NBEA: variants seen among roughly 807,000 people sequenced by gnomAD.
NBEA encodes the protein neurobeachin, also known as lysosomal-trafficking regulator 2.
Under a neutral mutation model 343.4 loss-of-function variants are expected in NBEA, and 44 were observed. The ratio of observed to expected loss-of-function variants is 0.13; its 90% CI spans 0.10 to 0.16. NBEA has a LOEUF of 0.16. Among genes scored for constraint, NBEA ranks in the 10% least tolerant of loss-of-function variants. The pLI, the probability that NBEA is intolerant of heterozygous loss-of-function variation, is 1.00. For missense variants in NBEA, 2,555 were observed against 3,631.3 expected (o/e 0.70, Z 7.62); for synonymous variants, 1,175 against 1,238.7 (o/e 0.95, Z 1.08).
At chr13:35,030,534 G>A (rs1266891141) in intron 1 of NBEA, among the ~76,000 whole-genome samples, 1 of 151,614 alleles carries the variant, frequency 6.6e-6, no homozygotes, top group Non-Finnish European at 1.5e-5. Context: ...TTTCTATGAG[G>A]ATAATGAAGC....
intron 31 of NBEA, among the ~76,000 whole-genome samples, chr13:35,205,002 T>A (rs1038608419): frequency 6.6e-6 from 1 of 152,136 alleles, no homozygotes; most frequent in Non-Finnish European, 1.5e-5. Flanking sequence ...GAATAGTTGC[T>A]AATACCAAGT....
intron 35 of NBEA, among the ~76,000 whole-genome samples, chr13:35,293,525 A>G (rs1201764988): frequency 6.6e-6 from 1 of 152,042 alleles, no homozygotes. Flanking sequence ...TCAGTGCTTA[A>G]TTAGGGAGTA....
chr13:35,434,732 C>A (rs564551737), intron 39 of NBEA, among the ~76,000 whole-genome samples: 1 of 152,072 alleles, frequency 6.6e-6, no homozygotes, highest in African/African-American at 2.4e-5. Context: ...GTGATCTATA[C>A]GTAGAAGTAG....
chr13:35,420,415 C>T (rs2044198807), intron 38 of NBEA, among the ~76,000 whole-genome samples: 2 of 151,848 alleles, frequency 1.3e-5, no homozygotes, highest in Admixed American at 1.3e-4. Flanking sequence ...TAATGTAATG[C>T]ACTACATTGA....
intron 36 of NBEA, among the ~76,000 whole-genome samples, chr13:35,310,571 G>C (rs896337164): frequency 6.6e-6 from 1 of 152,124 alleles, no homozygotes; most frequent in African/African-American, 2.4e-5. Flanking sequence ...CCATTTTGTG[G>C]TAAATAGTTG....
intron 38 of NBEA, 112 bp from the exon 39 acceptor site, chr13:35,432,156 AT>A: frequency 1.2e-6 from 1 of 805,998 alleles, no homozygotes; most frequent in Non-Finnish European, 1.8e-6. Context: ...TATCTCCAAA[AT>A]TATCTTAATT....
At chr13:35,021,451 C>T (rs2061835864) in intron 1 of NBEA, among the ~76,000 whole-genome samples, 1 of 152,132 alleles carries the variant, frequency 6.6e-6, no homozygotes, top group Non-Finnish European at 1.5e-5. Context: ...AGATTATTTA[C>T]ATTTAATGTA....
intron 38 of NBEA, among the ~76,000 whole-genome samples, chr13:35,397,585 A>G (rs1276817497): frequency 1.3e-5 from 2 of 152,160 alleles, no homozygotes; most frequent in Non-Finnish European, 2.9e-5. Context: ...TAGAATAGCC[A>G]TTAAATAGGT....
intron 38 of NBEA, among the ~76,000 whole-genome samples, chr13:35,396,722 T>C (rs1056267473): frequency 2.0e-5 from 3 of 152,146 alleles, no homozygotes; most frequent in Admixed American, 6.6e-5. Flanking sequence ...AACACTCACA[T>C]TGTTGTAACC....
At chr13:35,563,609 CAT>C (rs1270723206) in intron 44 of NBEA, among the ~76,000 whole-genome samples, 4 of 151,658 alleles carry the variant, frequency 2.6e-5, no homozygotes, top group South Asian at 4.2e-4. Context: ...GCATTAATGT[CAT>C]ATTTATTTAT....
Position 35,423,731 on chromosome 13 carries a change from T to C in NBEA, c.6180-8538T>C, listed in dbSNP as rs1301198046. Reference sequence around the variant, plus strand: ...TGGGGATGGCATTGAATCTATAAATTACCTTGGGCAGTATGGCCATTTTCA... The same window carrying C: ...TGGGGATGGCATTGAATCTATAAATCACCTTGGGCAGTATGGCCATTTTCA... On this transcript the variant is annotated intron_variant, in intron 38 of 58. Transcript: ENST00000379939. Among the ~76,000 whole-genome samples, 6 of 152,170 alleles carry C rather than the reference T, an allele frequency of 3.9e-5. No individual in the cohort carries two copies. In the East Asian group the frequency reaches 1.2e-3, roughly 29 times the overall value.
intron 38 of NBEA, among the ~76,000 whole-genome samples, chr13:35,357,532 A>G (rs2040560143): frequency 6.6e-6 from 1 of 152,060 alleles, no homozygotes; most frequent in Admixed American, 6.6e-5. Context: ...TCCCACTTGT[A>G]AGTGAGAACA....
Position 35,310,907 on chromosome 13 carries a change from T to G in NBEA, c.5903+1315T>G, listed in dbSNP as rs114384891. ...GTATAGATACCCAATTTTTAAAAATTAAATATCACTTAGTATTCATTTTTT... is the reference window on the plus strand; with the variant it reads ...GTATAGATACCCAATTTTTAAAAATGAAATATCACTTAGTATTCATTTTTT... On this transcript the variant is annotated intron_variant, in intron 36 of 58. Transcript: ENST00000379939. 3.5e-3 allele frequency among the ~76,000 whole-genome samples: 526 copies of G among 152,332 alleles called. 2 individuals are homozygous for G. The highest frequency in any genetic ancestry group is 0.012 in the African/African-American group (485 of 41,592).
At chr13:35,319,326 A>G (rs995919675) in intron 36 of NBEA, among the ~76,000 whole-genome samples, 2 of 152,062 alleles carry the variant, frequency 1.3e-5, no homozygotes, top group African/African-American at 4.8e-5. Context: ...TCAAAGAATT[A>G]TTTATTTCAG....
chr13:35,627,939 A>G, intron 48 of NBEA, 142 bp from the exon 49 acceptor site: 2 of 572,666 alleles, frequency 3.5e-6, no homozygotes, highest in East Asian at 3.2e-5. Flanking sequence ...GGAACTGAAG[A>G]TCTGATACAT....
chr13:35,124,677 T>C (rs769964599), intron 17 of NBEA, among the ~76,000 whole-genome samples: 6 of 149,802 alleles, frequency 4.0e-5, no homozygotes, highest in Admixed American at 1.3e-4. Flanking sequence ...TGGATATATA[T>C]ACACATGTAT....
At chr13:35,034,662 A>G (rs1312764893) in intron 1 of NBEA, among the ~76,000 whole-genome samples, 1 of 151,446 alleles carries the variant, frequency 6.6e-6, no homozygotes, top group Non-Finnish European at 1.5e-5. Context: ...TCAGCAGTGA[A>G]GTGCTTTTCT....
chr13:35,247,201 G>A (rs1462224628), intron 34 of NBEA, among the ~76,000 whole-genome samples: 1 of 152,172 alleles, frequency 6.6e-6, no homozygotes, highest in African/African-American at 2.4e-5. Flanking sequence ...ACTTACCCCA[G>A]GCTACCGGCC....
chr13:35,114,524 C>A (rs768270574), intron 13 of NBEA, among the ~76,000 whole-genome samples: 5 of 152,126 alleles, frequency 3.3e-5, no homozygotes, highest in Admixed American at 6.5e-5. Context: ...GTTTCTTTGG[C>A]ACTGCCACCC....
Sources: allele counts gnomAD v4.1 joint callset (sites outside exome capture counted in the v4.1 genomes callset), GRCh38; gene constraint gnomAD v4.1.1; transcripts MANE v1.5; gene names NCBI Gene and HGNC (gene_info 2026-07-23, HGNC 2026-07-21).